The following EVA1A variants were observed in gnomAD, a reference collection of about 807,000 sequenced individuals.
EVA1A encodes the protein protein eva-1 homolog A.
A neutral mutation model predicts 9.8 loss-of-function variants in EVA1A; 7 were observed. The ratio of observed to expected loss-of-function variants is 0.71; its 90% confidence interval spans 0.41 to 1.34. The LOEUF (loss-of-function observed/expected upper bound fraction) is 1.34. Ranked by LOEUF, EVA1A falls within the 40% of genes most tolerant of loss-of-function variation. The pLI, the probability that EVA1A is intolerant of heterozygous loss-of-function variation, is 0.01. For missense variants in EVA1A, 206 were observed against 205.9 expected (o/e 1.00, Z 0.00); for synonymous variants, 90 against 85.6 (o/e 1.05, Z -0.28).
chr2:75,518,892 G>C (rs950528905), intron 2 of EVA1A: 5 of 983,968 alleles, frequency 5.1e-6, no homozygotes, highest in Non-Finnish European at 6.0e-6. Context: ...TGCCAAAGCA[G>C]TTCTCATTCT....
chr2:75,554,294 A>G (rs1168949928), intron 1 of EVA1A, among the ~76,000 whole-genome samples: 1 of 152,116 alleles, frequency 6.6e-6, no homozygotes, highest in Non-Finnish European at 1.5e-5. Context: ...ACTAAGCAGC[A>G]TTTCCCTCTC....
chr2:75,499,192 C>T (rs755015372), intron 3 of EVA1A, among the ~76,000 whole-genome samples: 3 of 152,100 alleles, frequency 2.0e-5, no homozygotes, highest in Non-Finnish European at 2.9e-5. Context: ...CCAATAATTG[C>T]CTTTCTTTTG....
upstream of EVA1A, among the ~76,000 whole-genome samples, chr2:75,564,096 C>T (rs1676979225): frequency 6.6e-6 from 1 of 152,204 alleles, no homozygotes; most frequent in Non-Finnish European, 1.5e-5. Flanking sequence ...GGGCATTAAG[C>T]CTCTGCTAGA....
intron 3 of EVA1A, among the ~76,000 whole-genome samples, chr2:75,515,530 C>G (rs1455966400): frequency 1.3e-5 from 2 of 152,136 alleles, no homozygotes; most frequent in African/African-American, 2.4e-5. Context: ...AAAACCAGTC[C>G]TTGCCCAAAG....
chr2:75,566,805 A>G (rs1429451197), intron 1 of EVA1A, among the ~76,000 whole-genome samples: 1 of 152,168 alleles, frequency 6.6e-6, no homozygotes, highest in African/African-American at 2.4e-5. Flanking sequence ...CATATTCACC[A>G]TTTAAAACAT....
intron 2 of EVA1A, among the ~76,000 whole-genome samples, chr2:75,522,121 T>A (rs1558679966): frequency 1.3e-5 from 2 of 152,198 alleles, no homozygotes; most frequent in Non-Finnish European, 2.9e-5. Flanking sequence ...AAAGATCGTA[T>A]GAATAGATGA....
intron 3 of EVA1A, among the ~76,000 whole-genome samples, chr2:75,511,075 C>A (rs2103821521): frequency 6.6e-6 from 1 of 152,322 alleles, no homozygotes; most frequent in Non-Finnish European, 1.5e-5. Context: ...GCTTCCTGAC[C>A]TCTGATCTAG....
intron 1 of EVA1A, among the ~76,000 whole-genome samples, chr2:75,554,478 C>A (rs546134731): frequency 6.6e-6 from 1 of 152,092 alleles, no homozygotes; most frequent in African/African-American, 2.4e-5. Context: ...ATGGCCATTC[C>A]TATCCCAACC....
At chr2:75,565,294 T>G (rs1001621377), upstream of EVA1A, among the ~76,000 whole-genome samples, 2 of 152,158 alleles carry the variant, frequency 1.3e-5, no homozygotes, top group Non-Finnish European at 2.9e-5. Flanking sequence ...TTTTAAACCT[T>G]TCCAGATAAT....
At position 75,515,234 on chromosome 2, in the gene EVA1A, C is replaced by G. The variant is rs115518127; in HGVS notation, c.85+2822G>C. On this transcript the variant is annotated intron_variant, in intron 3 of 3. Coordinates refer to ENST00000393913, the MANE Select transcript of EVA1A (RefSeq NM_001135032.2). ...TGTTTCATTTTCCCCTAGTTTGACA[C>G]TTGTCATTTACTTGTAGGGCCCATT... Among the ~76,000 whole-genome samples, 568 of 147,634 alleles carry G rather than the reference C, an allele frequency of 3.8e-3. 3 individuals are homozygous for G. The highest frequency in any genetic ancestry group is 0.014 in the African/African-American group (519 of 37,172).
chr2:75,494,039 G>A (rs990621), intron 3 of EVA1A, among the ~76,000 whole-genome samples: 2 of 152,166 alleles, frequency 1.3e-5, no homozygotes, highest in Admixed American at 6.5e-5. Context: ...CACAGTGGTA[G>A]ACAGCTTCTG....
upstream of EVA1A, among the ~76,000 whole-genome samples, chr2:75,565,535 G>T (rs1463024951): frequency 2.6e-5 from 4 of 152,146 alleles, no homozygotes; most frequent in Admixed American, 2.6e-4. Context: ...GGTAGGATGT[G>T]GGGATTTTCC....
At chr2:75,493,741 T>C (rs572208136) in intron 3 of EVA1A, 132 bp from the exon 4 acceptor site, 1 of 741,276 alleles carries the variant, frequency 1.3e-6, no homozygotes, top group African/African-American at 1.8e-5. Context: ...TCCTCCAATG[T>C]GACATATTTT....
intron 1 of EVA1A, among the ~76,000 whole-genome samples, chr2:75,560,012 G>A (rs1408697610): frequency 1.3e-5 from 2 of 152,120 alleles, no homozygotes; most frequent in East Asian, 1.9e-4. Flanking sequence ...AACGCGCTCC[G>A]TACTGCGTGC....
chr2:75,568,849 C>T (rs1677074688), intron 1 of EVA1A, among the ~76,000 whole-genome samples: 1 of 152,156 alleles, frequency 6.6e-6, no homozygotes. Flanking sequence ...TTTTCTTTAT[C>T]CTCTGGTTGG....
chr2:75,564,377 A>G (rs1676986237), upstream of EVA1A, among the ~76,000 whole-genome samples: 1 of 152,230 alleles, frequency 6.6e-6, no homozygotes, highest in Non-Finnish European at 1.5e-5. Flanking sequence ...TAACCACTTC[A>G]TGCCCGGTTC....
intron 1 of EVA1A, among the ~76,000 whole-genome samples, chr2:75,536,535 T>A (rs1361669565): frequency 1.3e-5 from 2 of 151,464 alleles, no homozygotes; most frequent in Non-Finnish European, 2.9e-5. Context: ...TGAAAAAAAA[T>A]CTATAAAATT....
At position 75,553,067 on chromosome 2, in the gene EVA1A, T is replaced by A. The variant is rs767608886; in HGVS notation, c.-192+7613A>T. Among the ~76,000 whole-genome samples the A allele has an allele frequency of 5.9e-5, 9 of 152,226 alleles. No homozygotes were observed. In the South Asian group the frequency reaches 6.2e-4, roughly 11 times the overall value. ...CCCCTTCACAGGCTGACTTCCTTTG[T>A]CCCCAGCCATGCCTATCTGCCTTCC... On this transcript the variant is annotated intron_variant, in intron 1 of 3. Coordinates refer to ENST00000393913, the MANE Select transcript of EVA1A (RefSeq NM_001135032.2).
chr2:75,512,045 C>T (rs1674835750), intron 3 of EVA1A, among the ~76,000 whole-genome samples: 1 of 151,180 alleles, frequency 6.6e-6, no homozygotes, highest in Non-Finnish European at 1.5e-5. Flanking sequence ...TTTATGGGTA[C>T]ATAGAAGCTA....
Sources: allele counts gnomAD v4.1 joint callset (sites outside exome capture counted in the v4.1 genomes callset), GRCh38; gene constraint gnomAD v4.1.1; transcripts MANE v1.5; gene names NCBI Gene and HGNC (gene_info 2026-07-23, HGNC 2026-07-21).